The following PREX2 variants were observed in gnomAD, a reference collection of about 807,000 sequenced individuals.
The protein encoded by PREX2 is phosphatidylinositol 3,4,5-trisphosphate-dependent Rac exchanger 2 protein.
A neutral mutation model predicts 203.2 loss-of-function variants in PREX2; 107 were observed. The observed-to-expected ratio is 0.53, with a 90% confidence interval of 0.45 to 0.62. The LOEUF (loss-of-function observed/expected upper bound fraction) is 0.62. Among genes scored for constraint, PREX2 ranks in the 20% least tolerant of loss-of-function variants. PREX2 has a pLI of 0.00. For synonymous variants in PREX2, 672 were observed against 663.6 expected (o/e 1.01, Z -0.19); for missense variants, 1,777 against 1,955.9 (o/e 0.91, Z 1.72).
intron 37 of PREX2, among the ~76,000 whole-genome samples, chr8:68,216,359 T>A (rs547732179): frequency 6.6e-6 from 1 of 152,126 alleles, no homozygotes; most frequent in African/African-American, 2.4e-5. Flanking sequence ...TAGACAGATC[T>A]AGGAAAATAC....
chr8:68,128,101 G>A (rs1810932965), intron 31 of PREX2, among the ~76,000 whole-genome samples: 1 of 152,188 alleles, frequency 6.6e-6, no homozygotes, highest in Non-Finnish European at 1.5e-5. Flanking sequence ...CAAGGAAATA[G>A]ATCGTAAAGA....
chr8:68,188,254 C>A (rs1364075687), intron 35 of PREX2, among the ~76,000 whole-genome samples: 1 of 151,970 alleles, frequency 6.6e-6, no homozygotes, highest in African/African-American at 2.4e-5. Context: ...ATCCTGGGCA[C>A]AAAACCATTT....
In PREX2 at chr8:68,122,875, G is replaced by A. The variant is rs117530655; in HGVS notation, c.3724+1826G>A. 9.0e-4 allele frequency among the ~76,000 whole-genome samples: 137 copies of A among 152,190 alleles called. 1 individual carries two copies. Among genetic ancestry groups the A allele is most frequent in the East Asian group, 8.5e-3 (44 of 5,176 alleles). ...TGTGTTATTGTCTGAGAGAGTGGTT[G>A]TTATGATTTCACTTCTTTTGCATTT... On this transcript the variant is annotated intron_variant, in intron 30 of 39. Coordinates refer to ENST00000288368, the MANE Select transcript of PREX2 (RefSeq NM_024870.4).
In PREX2 at chr8:68,236,327, T is replaced by C. The variant is rs1813263634; in HGVS notation, c.*4949T>C. 1 of 152,192 alleles carries C rather than the reference T, an allele frequency of 6.6e-6. No homozygotes were observed. Among genetic ancestry groups the C allele is most frequent in the African/African-American group, 2.4e-5 (1 of 41,468 alleles). 9.4% of individuals were successfully genotyped at this position (152,192 alleles called of 1,614,324 possible). ...TAGGTGCGAATAACAGGATAAATGC[T>C]ATCTGATCAAGCATTCATCCGAAAA... On this transcript the variant is annotated 3_prime_UTR_variant, in exon 40 of 40. Transcript: ENST00000288368.
chr8:68,149,510 T>C (rs1025196346), intron 34 of PREX2, among the ~76,000 whole-genome samples: 3 of 152,148 alleles, frequency 2.0e-5, no homozygotes, highest in Non-Finnish European at 2.9e-5. Context: ...CCTAAGTGCT[T>C]CCTACAGGAC....
chr8:68,141,883 G>A (rs1811237434), intron 33 of PREX2, among the ~76,000 whole-genome samples: 1 of 152,094 alleles, frequency 6.6e-6, no homozygotes. Context: ...TAATTATCAA[G>A]TTTGTTTTTT....
chr8:68,089,120 G>C (rs1809787490), intron 19 of PREX2, among the ~76,000 whole-genome samples: 4 of 152,008 alleles, frequency 2.6e-5, no homozygotes, highest in Admixed American at 2.6e-4. Context: ...GCATCCCCAG[G>C]CTCCCCTGCC....
intron 25 of PREX2, among the ~76,000 whole-genome samples, chr8:68,111,476 T>G (rs761357989): frequency 1.3e-5 from 2 of 152,192 alleles, no homozygotes; most frequent in African/African-American, 4.8e-5. Flanking sequence ...TTACTTGGTT[T>G]AAAATATTTA....
rs554981470 is a variant in PREX2 at position 68,015,621 on chromosome 8, C to T, written c.142-2225C>T. Among the ~76,000 whole-genome samples, 156 of 152,140 alleles carry T rather than the reference C, an allele frequency of 1.0e-3. 2 individuals are homozygous for T. In the Middle Eastern group the frequency reaches 0.014, roughly 13 times the overall value. On this transcript the variant is annotated intron_variant, in intron 1 of 39. Transcript: ENST00000288368. ...AGGTGAAGTTTAAGCTTTGCTTGCA[C>T]GAGAGGTTACCTGTTTACTATGTGG...
Position 67,986,317 on chromosome 8 carries a change from C to T in PREX2, c.142-31529C>T, listed in dbSNP as rs151236641. 2.0e-3 allele frequency among the ~76,000 whole-genome samples: 300 copies of T among 150,750 alleles called. 1 individual carries two copies. The highest frequency in any genetic ancestry group is 0.013 in the South Asian group (60 of 4,606). On this transcript the variant is annotated intron_variant, in intron 1 of 39. Coordinates refer to ENST00000288368, the MANE Select transcript of PREX2 (RefSeq NM_024870.4). ...GAGAAATTCCCAGAATCACCCAGCT[C>T]GGAAGTAGCAGAGCTTGGATTTGAA...
intron 1 of PREX2, among the ~76,000 whole-genome samples, chr8:68,009,828 G>A (rs1376698764): frequency 6.6e-6 from 1 of 152,148 alleles, no homozygotes; most frequent in Non-Finnish European, 1.5e-5. Flanking sequence ...TAAAGAGTTG[G>A]TAGCACCTAG....
At chr8:67,982,259 A>G (rs540409749) in intron 1 of PREX2, among the ~76,000 whole-genome samples, 43 of 152,160 alleles carry the variant, frequency 2.8e-4, no homozygotes, top group African/African-American at 1.0e-3. Flanking sequence ...CCCTGTCTCT[A>G]TAAAAATTTA....
At position 68,236,505 on chromosome 8, in the gene PREX2, A is replaced by C. The variant is rs1240029756; in HGVS notation, c.*5127A>C. On this transcript the variant is annotated 3_prime_UTR_variant, in exon 40 of 40. Coordinates refer to ENST00000288368, the MANE Select transcript of PREX2 (RefSeq NM_024870.4). Reference sequence around the variant, plus strand: ...TGGCATTATTTGTAACACAAACCTAATATCATATATACAAATATACTGTAT... The same window carrying C: ...TGGCATTATTTGTAACACAAACCTACTATCATATATACAAATATACTGTAT... The C allele has an allele frequency of 1.3e-5, 2 of 152,166 alleles. No individual in the cohort carries two copies. The highest frequency in any genetic ancestry group is 4.8e-5 in the African/African-American group (2 of 41,452). The allele number at this position is 152,166 out of a possible 1,614,324, so 9.4% of individuals were successfully genotyped here. A position where few individuals can be genotyped will look rare whatever the true frequency, so the allele number is the denominator to read the frequency against.
chr8:68,051,695 G>A (rs1263644181), intron 8 of PREX2, among the ~76,000 whole-genome samples: 1 of 152,090 alleles, frequency 6.6e-6, no homozygotes, highest in East Asian at 1.9e-4. Flanking sequence ...CTTTGTGTAG[G>A]ATGGGAACAT....
chr8:68,044,644 T>C (rs1434917608), intron 8 of PREX2, 54 bp downstream of exon 8: 2 of 1,225,654 alleles, frequency 1.6e-6, no homozygotes, highest in East Asian at 4.7e-5. Flanking sequence ...GAAAACTCCT[T>C]TGTAAGACAG....
At chr8:67,990,773 G>A (rs112540832) in intron 1 of PREX2, among the ~76,000 whole-genome samples, 6,612 of 152,042 alleles carry the variant, frequency 0.043, 450 homozygotes, top group African/African-American at 0.14. Context: ...TCAGTCTCCT[G>A]AAGTGCTGAT....
chr8:67,982,168 C>T (rs1379059033), intron 1 of PREX2, among the ~76,000 whole-genome samples: 1 of 152,156 alleles, frequency 6.6e-6, no homozygotes, highest in Non-Finnish European at 1.5e-5. Context: ...CGGTGGCTCA[C>T]ACCTGTAATC....
At chr8:68,165,060 CCT>C (rs1811733330) in intron 35 of PREX2, among the ~76,000 whole-genome samples, 1 of 81,760 alleles carries the variant, frequency 1.2e-5, no homozygotes, top group Admixed American at 1.2e-4. Context: ...CTTACTTTTG[CCT>C]TTTTTTTTTT....
intron 21 of PREX2, chr8:68,095,089 A>G (rs1296056923): frequency 6.6e-6 from 1 of 152,228 alleles, no homozygotes; most frequent in African/African-American, 2.4e-5. Context: ...GTGTAGTGGG[A>G]AGCTCTGTGA....
Sources: allele counts gnomAD v4.1 joint callset (sites outside exome capture counted in the v4.1 genomes callset), GRCh38; gene constraint gnomAD v4.1.1; transcripts MANE v1.5; gene names NCBI Gene and HGNC (gene_info 2026-07-23, HGNC 2026-07-21).